Variants in INPP5B observed in about 807,000 individuals in gnomAD.
INPP5B encodes the protein type II inositol 1,4,5-trisphosphate 5-phosphatase.
Under a neutral mutation model 118.5 loss-of-function variants are expected in INPP5B, and 90 were observed. The observed-to-expected ratio is 0.76, with a 90% CI of 0.64 to 0.90. The LOEUF is 0.90. Among genes scored for constraint, INPP5B ranks in the 40% least tolerant of loss-of-function variants. INPP5B has a pLI of 0.00. For synonymous variants in INPP5B, 385 were observed against 418.9 expected (o/e 0.92, Z 0.99); for missense variants, 984 against 1,125.6 (o/e 0.87, Z 1.80).
At chr1:37,894,061 C>T (rs1030654203) in intron 7 of INPP5B, among the ~76,000 whole-genome samples, 2 of 152,186 alleles carry the variant, frequency 1.3e-5, no homozygotes, top group Non-Finnish European at 2.9e-5. Context: ...TGCATTCTAA[C>T]GAAATGTTAT....
chr1:37,901,404 C>T lies in INPP5B; in HGVS notation c.533-9950G>A, dbSNP rs117111546. On this transcript the variant is annotated intron_variant, in intron 7 of 23. Coordinates refer to ENST00000373024, the MANE Select transcript of INPP5B (RefSeq NM_005540.3). ...CAGGGGCCTTTACCATATGGAAAGG[C>T]ACCTGCACTTTTCAAACTAAGGAGT... Among the ~76,000 whole-genome samples the T allele has an allele frequency of 8.7e-4, 133 of 152,248 alleles. No homozygotes were observed. The East Asian group carries it at 0.025, about 29-fold the overall frequency.
chr1:37,875,422 C>A (rs1642729701), intron 17 of INPP5B, among the ~76,000 whole-genome samples, 184 bp downstream of exon 17: 1 of 152,158 alleles, frequency 6.6e-6, no homozygotes, highest in Non-Finnish European at 1.5e-5. Context: ...GTGCCGACCA[C>A]CACGCCCGGC....
intron 23 of INPP5B, 97 bp downstream of exon 23, chr1:37,864,215 T>C (rs1641888379): frequency 3.0e-6 from 2 of 673,506 alleles, no homozygotes; most frequent in Non-Finnish European, 2.6e-6. Flanking sequence ...GATATTTTAG[T>C]TCTACTGCAA....
chr1:37,892,121 C>G (rs1321309461), intron 7 of INPP5B, among the ~76,000 whole-genome samples: 7 of 152,230 alleles, frequency 4.6e-5, no homozygotes, highest in Non-Finnish European at 8.8e-5. Flanking sequence ...GAAAAGCCAT[C>G]TAACCTCTCT....
At chr1:37,880,388 A>G (rs941292875) in intron 14 of INPP5B, among the ~76,000 whole-genome samples, 194 bp from the exon 15 acceptor site, 2 of 151,838 alleles carry the variant, frequency 1.3e-5, no homozygotes, top group Non-Finnish European at 2.9e-5. Context: ...TTGCCTGTAT[A>G]TGGTTTTTAT....
At chr1:37,934,763 C>T (rs1645620437) in intron 6 of INPP5B, among the ~76,000 whole-genome samples, 1 of 152,114 alleles carries the variant, frequency 6.6e-6, no homozygotes, top group South Asian at 2.1e-4. Flanking sequence ...AAGGGGACTG[C>T]AAGACACACA....
intron 18 of INPP5B, 121 bp from the exon 19 acceptor site, chr1:37,873,286 C>T (rs973811496): frequency 7.2e-6 from 5 of 694,802 alleles, no homozygotes; most frequent in African/African-American, 5.3e-5. Context: ...AGGTATCAGC[C>T]AACCAACAAG....
At chr1:37,909,978 C>T (rs978972867) in intron 7 of INPP5B, among the ~76,000 whole-genome samples, 2 of 152,204 alleles carry the variant, frequency 1.3e-5, no homozygotes, top group African/African-American at 2.4e-5. Context: ...CCTGGGATTC[C>T]TCCTAAGCCG....
intron 20 of INPP5B, among the ~76,000 whole-genome samples, chr1:37,866,955 C>G (rs2148448061): frequency 6.6e-6 from 1 of 152,356 alleles, no homozygotes; most frequent in Non-Finnish European, 1.5e-5. Flanking sequence ...TGGCAGCCAT[C>G]AGGCGTGTTG....
intron 7 of INPP5B, among the ~76,000 whole-genome samples, chr1:37,908,110 C>T (rs1312254722): frequency 1.3e-5 from 2 of 152,138 alleles, no homozygotes; most frequent in Non-Finnish European, 2.9e-5. Flanking sequence ...ACTCCTTTCT[C>T]GGACTCAGCC....
chr1:37,874,114 T>C lies in INPP5B; in HGVS notation c.1830A>G (p.Glu610=). 1.3e-6 allele frequency: 2 copies of C among 1,595,790 alleles called. No homozygotes were observed. The highest frequency in any genetic ancestry group is 2.2e-5 in the South Asian group (2 of 89,430). ...QNVKYMQLKV[E]SFTIHNGQVP... ...CTTGTCCATTATGAATTGTAAAGGA[T>C]TCTACTTTCAATTGCATGTACTTCA... is the stretch of plus-strand genomic sequence containing the variant. The change falls in exon 18 of 24, where the codon GAA becomes GAG. Residue 610 remains glutamate, a synonymous_variant. Transcript: ENST00000373024.
At chr1:37,882,444 G>C (rs1289149515) in intron 14 of INPP5B, among the ~76,000 whole-genome samples, 2 of 152,192 alleles carry the variant, frequency 1.3e-5, no homozygotes, top group East Asian at 3.9e-4. Context: ...GCACAGAGGA[G>C]AAGGAGGCTC....
At chr1:37,881,156 G>A (rs558442255) in intron 14 of INPP5B, among the ~76,000 whole-genome samples, 1 of 152,312 alleles carries the variant, frequency 6.6e-6, no homozygotes, top group African/African-American at 2.4e-5. Flanking sequence ...CTTCATCTGT[G>A]TAGCACAGTT....
At chr1:37,946,599 G>C (rs151079304) in intron 1 of INPP5B, among the ~76,000 whole-genome samples, 1 of 152,186 alleles carries the variant, frequency 6.6e-6, no homozygotes, top group South Asian at 2.1e-4. Context: ...AGTTGCTCTT[G>C]AGTGTGGTCT....
Position 37,862,254 on chromosome 1 carries a change from G to T in INPP5B, c.*61C>A. 1 of 1,086,118 alleles carries T rather than the reference G, an allele frequency of 9.2e-7. No homozygotes were observed. The highest frequency in any genetic ancestry group is 1.3e-5 in the South Asian group (1 of 78,994). 67.3% of individuals were successfully genotyped at this position (1,086,118 alleles called of 1,614,324 possible). On this transcript the variant is annotated 3_prime_UTR_variant, in exon 24 of 24. Coordinates refer to ENST00000373024, the MANE Select transcript of INPP5B (RefSeq NM_005540.3). ...ACATAATTATCTTAAGGCATCTCTT[G>T]AGCTGAAACAGGTGGGGCTGGTAAT...
chr1:37,926,533 C>T (rs778880576), intron 7 of INPP5B, among the ~76,000 whole-genome samples: 8 of 152,134 alleles, frequency 5.3e-5, no homozygotes, highest in Non-Finnish European at 1.0e-4. Flanking sequence ...CCGCCCACCT[C>T]GGCCTCTGAA....
Position 37,875,625 on chromosome 1 carries a change from A to G in INPP5B, c.1769T>C (p.Val590Ala). ...TCCTACCTCTCGCTTGGACAGGGAC[A>G]CAGAAGGAATGTTGGCATTTTCCAT... is the stretch of plus-strand genomic sequence containing the variant. ...DKMENANIPSVSLSKREFCFQ... is the reference protein window; with the variant it reads ...DKMENANIPSASLSKREFCFQ... The change falls in exon 17 of 24, where the codon GTG (valine) becomes GCG (alanine). Residue 590 changes from valine to alanine, a missense_variant. By Grantham distance (64) the Val-to-Ala change is moderately conservative. This residue lies in a region of INPP5B where 634 missense variants were observed against 791.0 expected (regional missense o/e 0.80). Transcript: ENST00000373024. 1 of 1,613,752 alleles carries G rather than the reference A, an allele frequency of 6.2e-7. No homozygotes were observed. Among genetic ancestry groups the G allele is most frequent in the South Asian group, 1.1e-5 (1 of 91,076 alleles).
chr1:37,878,461 C>G, intron 15 of INPP5B, 138 bp from the exon 16 acceptor site: 1 of 1,457,820 alleles, frequency 6.9e-7, no homozygotes, highest in Non-Finnish European at 9.1e-7. Context: ...GCAGCAAGAG[C>G]AATTCGGGCC....
At chr1:37,909,780 G>A (rs1352883764) in intron 7 of INPP5B, among the ~76,000 whole-genome samples, 1 of 152,114 alleles carries the variant, frequency 6.6e-6, no homozygotes, top group East Asian at 1.9e-4. Flanking sequence ...CACCTTCAAG[G>A]GGTACAGTAA....
Sources: allele counts gnomAD v4.1 joint callset (sites outside exome capture counted in the v4.1 genomes callset), GRCh38; gene constraint gnomAD v4.1.1; regional missense constraint gnomAD v4.1.1; transcripts MANE v1.5; gene names NCBI Gene and HGNC (gene_info 2026-07-23, HGNC 2026-07-21).